Variants in MMP16 observed in about 807,000 individuals in gnomAD.
MMP16 encodes matrix metalloproteinase-16.
A neutral mutation model predicts 67.8 loss-of-function variants in MMP16; 12 were observed. That is an observed-to-expected ratio of 0.18 (90% confidence interval 0.11 to 0.29). The LOEUF is 0.29. Ranked by LOEUF, MMP16 falls within the 10% of genes least tolerant of loss-of-function variation. The pLI, the probability that MMP16 is intolerant of heterozygous loss-of-function variation, is 1.00. For missense variants in MMP16, 475 were observed against 765.7 expected (o/e 0.62, Z 4.48); for synonymous variants, 249 against 255.9 (o/e 0.97, Z 0.26).
intron 1 of MMP16, among the ~76,000 whole-genome samples, chr8:88,253,474 GA>G (rs1810256566): frequency 6.6e-6 from 1 of 152,106 alleles, no homozygotes; most frequent in African/African-American, 2.4e-5. Context: ...ATGCTGTGAT[GA>G]AAATGGCAAC....
chr8:88,176,033 T>C (rs1483331363), intron 3 of MMP16, among the ~76,000 whole-genome samples: 1 of 152,160 alleles, frequency 6.6e-6, no homozygotes. Context: ...CAGTCATGAG[T>C]ATTTCTTTAT....
At chr8:88,264,272 T>C (rs1198285481) in intron 1 of MMP16, among the ~76,000 whole-genome samples, 2 of 152,110 alleles carry the variant, frequency 1.3e-5, no homozygotes, top group African/African-American at 2.4e-5. Context: ...CAGTCATAAC[T>C]CTTTTTAGCC....
intron 1 of MMP16, among the ~76,000 whole-genome samples, chr8:88,216,971 G>A (rs1809604760): frequency 6.6e-6 from 1 of 151,916 alleles, no homozygotes; most frequent in Non-Finnish European, 1.5e-5. Context: ...GTGGACTCAT[G>A]GCTTGCTATT....
At position 88,324,517 on chromosome 8, in the gene MMP16, CT is replaced by C. The variant is rs775272755; in HGVS notation, c.132+2557del. Among the ~76,000 whole-genome samples the C allele has an allele frequency of 3.9e-4, 59 of 152,234 alleles. 1 individual carries two copies. Among genetic ancestry groups the C allele is most frequent in the Middle Eastern group, 3.4e-3 (1 of 294 alleles). On this transcript the variant is annotated intron_variant, in intron 1 of 9. Coordinates refer to ENST00000286614, the MANE Select transcript of MMP16 (RefSeq NM_005941.5). The stretch of plus-strand genomic sequence containing the variant: ...AGTTGTCAGCATAAAAAGCATCCCC[CT>C]GAAGCTTTGTTCCAACTATAAAAAC...
intron 7 of MMP16, among the ~76,000 whole-genome samples, chr8:88,068,560 T>C (rs1267652278): frequency 6.6e-6 from 1 of 152,162 alleles, no homozygotes; most frequent in Non-Finnish European, 1.5e-5. Flanking sequence ...TATTTTCGTA[T>C]AGTACAGGAT....
At chr8:88,324,756 A>G (rs924020686) in intron 1 of MMP16, among the ~76,000 whole-genome samples, 6 of 152,150 alleles carry the variant, frequency 3.9e-5, no homozygotes, top group Admixed American at 2.6e-4. Flanking sequence ...TCCTATCAAA[A>G]AAAAGTCAAA....
chr8:88,235,881 A>G (rs1809932465), intron 1 of MMP16, among the ~76,000 whole-genome samples: 1 of 152,158 alleles, frequency 6.6e-6, no homozygotes, highest in South Asian at 2.1e-4. Flanking sequence ...AATAAAGTGA[A>G]ATTATATTTT....
intron 1 of MMP16, among the ~76,000 whole-genome samples, chr8:88,282,958 T>A (rs1585997832): frequency 6.6e-6 from 1 of 152,180 alleles, no homozygotes; most frequent in South Asian, 2.1e-4. Flanking sequence ...TTGGTAATAC[T>A]CTATGGCTTT....
At chr8:88,060,799 T>C (rs1434827692) in intron 7 of MMP16, among the ~76,000 whole-genome samples, 1 of 152,010 alleles carries the variant, frequency 6.6e-6, no homozygotes, top group Non-Finnish European at 1.5e-5. Context: ...TGTATAGTGT[T>C]TGGAAAGTAG....
chr8:88,130,782 G>A (rs1808015517), intron 4 of MMP16, among the ~76,000 whole-genome samples: 1 of 151,392 alleles, frequency 6.6e-6, no homozygotes, highest in Admixed American at 6.6e-5. Flanking sequence ...GTGTGTGTGT[G>A]TGTGTGTGGT....
At chr8:88,206,659 A>G (rs749438750) in intron 1 of MMP16, among the ~76,000 whole-genome samples, 3 of 152,240 alleles carry the variant, frequency 2.0e-5, no homozygotes, top group Non-Finnish European at 2.9e-5. Flanking sequence ...AATGTTATGT[A>G]TAGCTTACAT....
In MMP16 at chr8:88,116,499, T is replaced by C. The variant is rs897798654; in HGVS notation, c.1083+8A>G. On this transcript the variant is annotated splice_region_variant and intron_variant, in intron 6 of 9. Coordinates refer to ENST00000286614, the MANE Select transcript of MMP16 (RefSeq NM_005941.5). ...ACTGTTAAAAAAAAAAAAATCACAG[T>C]CTCCTACCTTGAAAACAAACATCTC... The C allele has an allele frequency of 3.7e-6, 6 of 1,600,400 alleles. No individual in the cohort carries two copies. Among genetic ancestry groups the C allele is most frequent in the African/African-American group, 1.4e-5 (1 of 74,018 alleles).
At chr8:88,093,590 ATGT>A (rs1293972372) in intron 6 of MMP16, among the ~76,000 whole-genome samples, 1 of 151,804 alleles carries the variant, frequency 6.6e-6, no homozygotes, top group Non-Finnish European at 1.5e-5. Flanking sequence ...CACTACCTTA[ATGT>A]TGTTTGGTAT....
chr8:88,283,779 T>C (rs970788477), intron 1 of MMP16, among the ~76,000 whole-genome samples: 2 of 152,164 alleles, frequency 1.3e-5, no homozygotes, highest in African/African-American at 4.8e-5. Context: ...CATATAAAAA[T>C]TTACTCATAT....
chr8:88,287,930 G>A (rs1411914135), intron 1 of MMP16, among the ~76,000 whole-genome samples: 1 of 152,216 alleles, frequency 6.6e-6, no homozygotes, highest in Non-Finnish European at 1.5e-5. Flanking sequence ...AAATGAAAGA[G>A]TAAGAGTAAT....
chr8:88,227,214 A>G (rs1809784795), intron 1 of MMP16, among the ~76,000 whole-genome samples: 1 of 152,106 alleles, frequency 6.6e-6, no homozygotes, highest in South Asian at 2.1e-4. Flanking sequence ...GGGAAAGGAA[A>G]ATAACTTAAA....
chr8:88,254,940 A>G (rs958780031), intron 1 of MMP16, among the ~76,000 whole-genome samples: 8 of 152,212 alleles, frequency 5.3e-5, no homozygotes, highest in Admixed American at 1.3e-4. Context: ...CCTTTTGGAG[A>G]ATATAAGAAC....
intron 1 of MMP16, among the ~76,000 whole-genome samples, chr8:88,255,989 T>G (rs1313182119): frequency 6.6e-6 from 1 of 152,216 alleles, no homozygotes; most frequent in African/African-American, 2.4e-5. Flanking sequence ...ATCTCTTCTC[T>G]TGGTTGAATC....
In MMP16 at chr8:88,175,743, G is replaced by A. The variant is rs143307094; in HGVS notation, c.405-7770C>T. ...CCCTACCCAAATCTCATTTTGAATT[G>A]TAGTTCCCGTAATCCCCATGTGTCC... On this transcript the variant is annotated intron_variant, in intron 3 of 9. Transcript: ENST00000286614. 6.7e-3 allele frequency among the ~76,000 whole-genome samples: 1,013 copies of A among 152,212 alleles called. 4 individuals carry two copies. Among genetic ancestry groups the A allele is most frequent in the African/African-American group, 0.023 (960 of 41,538 alleles).
Sources: allele counts gnomAD v4.1 joint callset (sites outside exome capture counted in the v4.1 genomes callset), GRCh38; gene constraint gnomAD v4.1.1; transcripts MANE v1.5; gene names NCBI Gene and HGNC (gene_info 2026-07-23, HGNC 2026-07-21).